The following HDAC4 variants were observed in gnomAD, a reference collection of about 807,000 sequenced individuals.
HDAC4 encodes histone deacetylase 4, also known as histone deacetylase A.
HDAC4 carries 16 observed loss-of-function variants against 135.1 expected under a neutral mutation model. The observed-to-expected ratio is 0.12, with a 90% CI of 0.08 to 0.18. The LOEUF (loss-of-function observed/expected upper bound fraction) is 0.18. Ranked by LOEUF, HDAC4 falls within the 10% of genes least tolerant of loss-of-function variation. The pLI, the probability that HDAC4 is intolerant of heterozygous loss-of-function variation, is 1.00. For missense variants in HDAC4, 1,143 were observed against 1,511.8 expected, an observed-to-expected ratio of 0.76 and a Z score of 4.05; for synonymous variants, 685 against 653.4, an observed-to-expected ratio of 1.05 and a Z score of -0.74.
At chr2:239,082,778 ACCG>A (rs1439804445) in intron 20 of HDAC4, among the ~76,000 whole-genome samples, 1 of 152,252 alleles carries the variant, frequency 6.6e-6, no homozygotes, top group Non-Finnish European at 1.5e-5. Flanking sequence ...AATGGCAAGC[ACCG>A]TTTCTTAATC....
At chr2:239,147,144 G>A (rs1224166102) in intron 7 of HDAC4, among the ~76,000 whole-genome samples, 3 of 152,224 alleles carry the variant, frequency 2.0e-5, no homozygotes, top group East Asian at 1.9e-4. Flanking sequence ...GCAGCAGCAC[G>A]TGGACCAGGA....
chr2:239,100,653 G>A, intron 16 of HDAC4, among the ~76,000 whole-genome samples: 1 of 152,162 alleles, frequency 6.6e-6, no homozygotes, highest in East Asian at 1.9e-4. Context: ...GGCCCACAGG[G>A]GGTGATTAGC....
intron 2 of HDAC4, among the ~76,000 whole-genome samples, chr2:239,252,286 C>G (rs934628589): frequency 6.6e-6 from 1 of 152,204 alleles, no homozygotes; most frequent in South Asian, 2.1e-4. Flanking sequence ...CAACAGCCAT[C>G]GAATGGGTGC....
chr2:239,064,505 G>T (rs968019020), intron 24 of HDAC4, among the ~76,000 whole-genome samples: 2 of 152,172 alleles, frequency 1.3e-5, no homozygotes, highest in African/African-American at 2.4e-5. Flanking sequence ...AGAAGGGGAG[G>T]GAGGAAGGTT....
intron 6 of HDAC4, among the ~76,000 whole-genome samples, chr2:239,157,310 C>G (rs558745935): frequency 6.6e-6 from 1 of 151,462 alleles, no homozygotes; most frequent in Non-Finnish European, 1.5e-5. Context: ...AGGCACCCAT[C>G]GTCATCCGTG....
chr2:239,174,227 G>A (rs1263518602), intron 5 of HDAC4, among the ~76,000 whole-genome samples: 1 of 152,192 alleles, frequency 6.6e-6, no homozygotes, highest in Non-Finnish European at 1.5e-5. Context: ...CATTAAGAGA[G>A]TGAACAGGCA....
intron 2 of HDAC4, chr2:239,305,600 T>C (rs1176936677): frequency 6.5e-6 from 1 of 152,698 alleles, no homozygotes; most frequent in African/African-American, 2.4e-5. Context: ...ACTATTTATT[T>C]TAATGGTGAA....
intron 11 of HDAC4, among the ~76,000 whole-genome samples, chr2:239,130,926 A>G (rs2040534209): frequency 1.3e-5 from 2 of 152,202 alleles, no homozygotes; most frequent in Non-Finnish European, 1.5e-5. Flanking sequence ...TTTGCGTCCA[A>G]CTAAAGCAGC....
rs577154172 is a variant in HDAC4 at position 239,067,218 on chromosome 2, T to G, written c.2870-363A>C. On this transcript the variant is annotated intron_variant, in intron 23 of 26. Transcript: ENST00000543185. ...CCCAGCGGGCTCTGGTTATCTGACA[T>G]GCTCCAAACATGTATGTGTACACAT... 2.6e-5 allele frequency among the ~76,000 whole-genome samples: 4 copies of G among 152,332 alleles called. No homozygotes were observed. The East Asian group carries it at 7.7e-4, about 29-fold the overall frequency.
rs531669558 is a variant in HDAC4 at position 239,248,785 on chromosome 2, G to A, written c.23-12121C>T. On this transcript the variant is annotated intron_variant, in intron 2 of 26. Coordinates refer to ENST00000543185, the MANE Select transcript of HDAC4 (RefSeq NM_001378414.1). ...TAAAGACCATCCTGATCAAGGTTGG[G>A]ACCAACTTTCAAAAGCAAACTGACC... Among the ~76,000 whole-genome samples the A allele has an allele frequency of 3.3e-5, 5 of 152,202 alleles. No homozygotes were observed. The East Asian group carries it at 7.7e-4, about 24-fold the overall frequency.
At position 239,285,626 on chromosome 2, in the gene HDAC4, T is replaced by C. The variant is rs994607211; in HGVS notation, c.23-48962A>G. Among the ~76,000 whole-genome samples the C allele has an allele frequency of 1.3e-5, 2 of 152,152 alleles. No homozygotes were observed. Among genetic ancestry groups the C allele is most frequent in the African/African-American group, 2.4e-5 (1 of 41,428 alleles). ...CTCTTCTGGGGACGTGGCAGACAAG[T>C]CATCTTACAGGCTCTTGTGCTGTGG... is the stretch of plus-strand genomic sequence containing the variant. On this transcript the variant is annotated intron_variant, in intron 2 of 26. Transcript: ENST00000543185. The surrounding 1 kb of genome is among the most constrained non-coding windows in gnomAD (Gnocchi z 4.5).
At chr2:239,183,683 G>A (rs2044301127) in intron 4 of HDAC4, among the ~76,000 whole-genome samples, 1 of 152,196 alleles carries the variant, frequency 6.6e-6, no homozygotes, top group African/African-American at 2.4e-5. Context: ...GAGGGACTCT[G>A]CTCCAAACCA....
At chr2:239,355,519 C>CA (rs1371570554) in intron 1 of HDAC4, among the ~76,000 whole-genome samples, 1 of 152,218 alleles carries the variant, frequency 6.6e-6, no homozygotes, top group Non-Finnish European at 1.5e-5. Context: ...TCGGCCTAGT[C>CA]CCTCCTCATA....
At chr2:239,208,353 A>G (rs2046182510) in intron 3 of HDAC4, among the ~76,000 whole-genome samples, 1 of 149,850 alleles carries the variant, frequency 6.7e-6, no homozygotes. Flanking sequence ...AAAAAAAAAG[A>G]AAACACAAGA....
intron 5 of HDAC4, among the ~76,000 whole-genome samples, chr2:239,175,698 T>C (rs1014413434): frequency 6.6e-6 from 1 of 152,182 alleles, no homozygotes; most frequent in African/African-American, 2.4e-5. Context: ...AAGGCACTTA[T>C]AAAATGCTCC....
chr2:239,101,086 G>A (rs1489961860), intron 16 of HDAC4, among the ~76,000 whole-genome samples: 9 of 152,106 alleles, frequency 5.9e-5, no homozygotes, highest in Non-Finnish European at 1.2e-4. Context: ...CCTTGTCCCC[G>A]GCACTAGCTC....
rs753482334 is a variant in HDAC4 at position 239,095,037 on chromosome 2, G to C, written c.2253C>G (p.Phe751Leu). Reference protein sequence around the residue: ...KKLLGSLASVFVRLPCGGVGV... With the variant: ...KKLLGSLASVLVRLPCGGVGV... ...CAACACCACCGCAAGGGAGCCGGACGAACACGGAGGCGAGCGAGCCTGTGG... is the reference window on the plus strand; with the variant it reads ...CAACACCACCGCAAGGGAGCCGGACCAACACGGAGGCGAGCGAGCCTGTGG... The change falls in exon 17 of 27, where the codon TTC becomes TTG. Residue 751 changes from phenylalanine (F) to leucine (L), a missense_variant. By Grantham distance (22) the Phe-to-Leu change is conservative. Transcript: ENST00000543185. 1.2e-6 allele frequency: 2 copies of C among 1,613,820 alleles called. No homozygotes were observed. The highest frequency in any genetic ancestry group is 2.2e-5 in the South Asian group (2 of 91,064).
chr2:239,049,138 T>C lies in HDAC4; in HGVS notation c.*3959A>G, dbSNP rs1482596501. On this transcript the variant is annotated 3_prime_UTR_variant, in exon 27 of 27. Coordinates refer to ENST00000543185, the MANE Select transcript of HDAC4 (RefSeq NM_001378414.1). ...TACAATAAACTCTATTATTGGTATG[T>C]CACAAGTGCTAGATAAACTTTTTTT... The C allele has an allele frequency of 1.3e-5, 2 of 152,392 alleles. No individual in the cohort carries two copies. Among genetic ancestry groups the C allele is most frequent in the East Asian group, 3.8e-4 (2 of 5,208 alleles). 9.4% of individuals were successfully genotyped at this position (152,392 alleles called of 1,614,324 possible). A position where few individuals can be genotyped will look rare whatever the true frequency, so the allele number is the denominator to read the frequency against.
chr2:239,391,176 G>A (rs980028735), intron 1 of HDAC4, among the ~76,000 whole-genome samples: 1 of 152,190 alleles, frequency 6.6e-6, no homozygotes, highest in East Asian at 1.9e-4. Flanking sequence ...GGGTAGGGAC[G>A]CTGGCCCTTC....
Sources: gnomAD v4.1 joint callset for allele counts (sites outside exome capture counted in the v4.1 genomes callset) on GRCh38, gnomAD v4.1.1 for gene constraint, Gnocchi (gnomAD v3.1) non-coding constraint, MANE v1.5 for transcripts, NCBI Gene and HGNC (gene_info 2026-07-23, HGNC 2026-07-21) for gene names.